The following GAS7 variants were observed in gnomAD, a reference collection of about 807,000 sequenced individuals.
The protein encoded by GAS7 is growth arrest-specific protein 7.
GAS7 carries 28 observed loss-of-function variants against 71.1 expected under a neutral mutation model. That is an observed-to-expected ratio of 0.39 (90% CI 0.29 to 0.54). The LOEUF is 0.54. GAS7 is among the 20% of genes least tolerant of loss of function. GAS7 has a pLI of 0.62. For synonymous variants in GAS7, 258 were observed against 245.8 expected, an observed-to-expected ratio of 1.05 and a Z score of -0.46; for missense variants, 436 against 627.8, an observed-to-expected ratio of 0.69 and a Z score of 3.27.
intron 6 of GAS7, 129 bp downstream of exon 6, chr17:9,946,765 A>G: frequency 1.7e-6 from 1 of 604,996 alleles, no homozygotes; most frequent in Non-Finnish European, 3.0e-6. Flanking sequence ...TGCAAACTCT[A>G]ACACCAGCCC....
chr17:10,057,898 T>C (rs1342586203), intron 1 of GAS7, among the ~76,000 whole-genome samples: 1 of 152,274 alleles, frequency 6.6e-6, no homozygotes, highest in Non-Finnish European at 1.5e-5. Context: ...TTTTGTTCTG[T>C]ACTAAGAAAA....
chr17:10,028,583 GA>G (rs1175932591), intron 1 of GAS7, among the ~76,000 whole-genome samples: 1 of 151,250 alleles, frequency 6.6e-6, no homozygotes, highest in Non-Finnish European at 1.5e-5. Flanking sequence ...AAACATCTCA[GA>G]AAAGTATCTA....
At chr17:9,947,958 G>C (rs868142892) in intron 5 of GAS7, among the ~76,000 whole-genome samples, 84 of 152,216 alleles carry the variant, frequency 5.5e-4, no homozygotes, top group Middle Eastern at 3.4e-3. Context: ...TGAAGACCTT[G>C]AGGATGACCC....
intron 1 of GAS7, among the ~76,000 whole-genome samples, chr17:10,078,176 C>T (rs1260724225): frequency 1.3e-5 from 2 of 152,040 alleles, no homozygotes; most frequent in Non-Finnish European, 2.9e-5. Flanking sequence ...ACTGCAGTCT[C>T]GATCTCCCAG....
intron 1 of GAS7, among the ~76,000 whole-genome samples, chr17:10,139,594 G>A (rs1363989384): frequency 6.6e-6 from 1 of 152,170 alleles, no homozygotes; most frequent in African/African-American, 2.4e-5. Context: ...AAATAGTTCT[G>A]ACTCCCAAGC....
chr17:10,006,984 G>A (rs2071561987), intron 2 of GAS7, among the ~76,000 whole-genome samples: 2 of 151,968 alleles, frequency 1.3e-5, no homozygotes, highest in Admixed American at 1.3e-4. Context: ...CTTTAACCTT[G>A]GGGCTACGAT....
chr17:9,993,057 A>G (rs1378472829), intron 2 of GAS7, among the ~76,000 whole-genome samples: 2 of 152,106 alleles, frequency 1.3e-5, no homozygotes, highest in Non-Finnish European at 1.5e-5. Flanking sequence ...TAATGCCGCA[A>G]TAAACATACA....
intron 1 of GAS7, among the ~76,000 whole-genome samples, chr17:10,106,990 T>C (rs2073763082): frequency 6.6e-6 from 1 of 152,056 alleles, no homozygotes; most frequent in Non-Finnish European, 1.5e-5. Context: ...ACAGTCCCAC[T>C]GGACTGTGGT....
chr17:10,040,343 G>A (rs1034361856), intron 1 of GAS7, among the ~76,000 whole-genome samples: 4 of 152,166 alleles, frequency 2.6e-5, no homozygotes, highest in African/African-American at 9.7e-5. Context: ...AGAGGCATGG[G>A]AGGTGAGAAA....
At chr17:10,066,639 A>G (rs1262709049) in intron 1 of GAS7, among the ~76,000 whole-genome samples, 2 of 152,162 alleles carry the variant, frequency 1.3e-5, no homozygotes, top group African/African-American at 4.8e-5. Context: ...CCTGGCCTAC[A>G]AGGTCAATTT....
At chr17:10,194,858 CAAA>C (rs5819269) in intron 1 of GAS7, among the ~76,000 whole-genome samples, 3 of 85,188 alleles carry the variant, frequency 3.5e-5, no homozygotes, top group Non-Finnish European at 7.9e-5. Context: ...GACTCTGTCT[CAAA>C]AAAAAAAAAA....
chr17:9,931,799 G>C (rs2068217422), intron 9 of GAS7, among the ~76,000 whole-genome samples: 1 of 152,144 alleles, frequency 6.6e-6, no homozygotes, highest in Non-Finnish European at 1.5e-5. Context: ...CTAAGCCATG[G>C]GGAGCTGTAG....
intron 1 of GAS7, among the ~76,000 whole-genome samples, chr17:10,167,219 G>C (rs919618164): frequency 6.6e-6 from 1 of 151,074 alleles, no homozygotes; most frequent in African/African-American, 2.4e-5. Flanking sequence ...CACCACGCCC[G>C]GCTAATTTTG....
At chr17:9,971,125 G>T (rs890769370) in intron 3 of GAS7, among the ~76,000 whole-genome samples, 10 of 152,246 alleles carry the variant, frequency 6.6e-5, no homozygotes, top group Non-Finnish European at 1.5e-4. Context: ...GGCAGGGTGC[G>T]GTAGCTCACG....
intron 3 of GAS7, among the ~76,000 whole-genome samples, chr17:9,975,495 T>C (rs528739343): frequency 3.5e-5 from 5 of 144,774 alleles, no homozygotes; most frequent in African/African-American, 5.2e-5. Context: ...CCTTCCTCCC[T>C]TCCTTCTACC....
intron 1 of GAS7, among the ~76,000 whole-genome samples, chr17:10,131,789 G>C (rs35330315): frequency 9.1e-4 from 139 of 152,074 alleles, no homozygotes; most frequent in African/African-American, 3.2e-3. Flanking sequence ...ATGAAAACAT[G>C]TACTCATGAA....
intron 5 of GAS7, among the ~76,000 whole-genome samples, chr17:9,954,399 CA>C (rs2069142094): frequency 2.0e-5 from 3 of 151,722 alleles, no homozygotes; most frequent in African/African-American, 7.3e-5. Context: ...TGAGCACCCC[CA>C]CTACAGCATA....
chr17:9,956,213 G>T (rs1045908573), intron 5 of GAS7, among the ~76,000 whole-genome samples: 1 of 152,172 alleles, frequency 6.6e-6, no homozygotes, highest in Non-Finnish European at 1.5e-5. Flanking sequence ...AAGGGAAAAT[G>T]GTTTGACAAC....
At chr17:10,001,101 G>A (rs528929822) in intron 2 of GAS7, among the ~76,000 whole-genome samples, 8 of 152,290 alleles carry the variant, frequency 5.3e-5, no homozygotes, top group Non-Finnish European at 1.2e-4. Context: ...CTGATGGCCA[G>A]AACATAAGAC....
Sources: gnomAD v4.1 joint callset for allele counts (sites outside exome capture counted in the v4.1 genomes callset) on GRCh38, gnomAD v4.1.1 for gene constraint, MANE v1.5 for transcripts, NCBI Gene and HGNC (gene_info 2026-07-23, HGNC 2026-07-21) for gene names.